NEGR1: variants seen among roughly 807,000 people sequenced by gnomAD.
The protein encoded by NEGR1 is neuronal growth regulator 1.
Under a neutral mutation model 40.9 loss-of-function variants are expected in NEGR1, and 10 were observed. The observed-to-expected ratio is 0.24, with a 90% CI of 0.15 to 0.42. The LOEUF (loss-of-function observed/expected upper bound fraction) is 0.42, where lower values mean the gene tolerates loss of function less well. Among genes scored for constraint, NEGR1 ranks in the 10% least tolerant of loss-of-function variants. The pLI is 1.00. For missense variants in NEGR1, 352 were observed against 438.9 expected (o/e 0.80, Z 1.77); for synonymous variants, 185 against 166.8 (o/e 1.11, Z -0.84).
chr1:71,420,113 G>T (rs1299015883), intron 6 of NEGR1, among the ~76,000 whole-genome samples: 4 of 151,978 alleles, frequency 2.6e-5, no homozygotes, highest in Non-Finnish European at 4.4e-5. Flanking sequence ...AATAAAAATA[G>T]CATTCCCTGC....
intron 4 of NEGR1, among the ~76,000 whole-genome samples, chr1:71,692,013 C>T (rs878905543): frequency 6.6e-6 from 1 of 151,572 alleles, no homozygotes; most frequent in Non-Finnish European, 1.5e-5. Context: ...CAGCACCTTA[C>T]GATTGGTTTA....
intron 1 of NEGR1, among the ~76,000 whole-genome samples, chr1:72,106,785 T>C (rs1649149554): frequency 6.6e-6 from 1 of 151,942 alleles, no homozygotes; most frequent in African/African-American, 2.4e-5. Context: ...TGGATAAATC[T>C]TTTAGACACA....
At chr1:71,463,078 T>C (rs1336654909) in intron 6 of NEGR1, among the ~76,000 whole-genome samples, 1 of 152,106 alleles carries the variant, frequency 6.6e-6, no homozygotes, top group African/African-American at 2.4e-5. Context: ...CTGGGGTAGT[T>C]TGGGTTGGTT....
intron 2 of NEGR1, among the ~76,000 whole-genome samples, chr1:71,818,384 A>G (rs1658305926): frequency 6.6e-6 from 1 of 152,022 alleles, no homozygotes; most frequent in Non-Finnish European, 1.5e-5. Context: ...ATGTCTTTGC[A>G]ACAGCAACAA....
intron 1 of NEGR1, among the ~76,000 whole-genome samples, chr1:72,051,658 A>C (rs559201886): frequency 6.6e-6 from 1 of 151,570 alleles, no homozygotes; most frequent in South Asian, 2.1e-4. Flanking sequence ...AAATTTGTCC[A>C]CAGACGGAGC....
chr1:71,673,836 T>G (rs1490720909), intron 4 of NEGR1, among the ~76,000 whole-genome samples: 1 of 152,128 alleles, frequency 6.6e-6, no homozygotes, highest in East Asian at 1.9e-4. Flanking sequence ...TTGTCAAGCT[T>G]CTACTATGCT....
intron 1 of NEGR1, among the ~76,000 whole-genome samples, chr1:72,101,432 T>TA (rs764823833): frequency 5.2e-4 from 79 of 152,148 alleles, no homozygotes; most frequent in Non-Finnish European, 5.9e-4. Flanking sequence ...ATGTGGAATG[T>TA]AAAAACTGTG....
chr1:71,651,209 G>C (rs1351695329), intron 4 of NEGR1, among the ~76,000 whole-genome samples: 2 of 152,052 alleles, frequency 1.3e-5, no homozygotes. Context: ...CCTATATATG[G>C]GGGATTATGC....
intron 1 of NEGR1, among the ~76,000 whole-genome samples, chr1:72,003,430 A>G (rs1646575230): frequency 6.6e-6 from 1 of 152,130 alleles, no homozygotes; most frequent in African/African-American, 2.4e-5. Context: ...CAAGGAGAAA[A>G]TATTGGTGGA....
intron 4 of NEGR1, among the ~76,000 whole-genome samples, chr1:71,686,521 G>A (rs1266699577): frequency 6.6e-5 from 10 of 152,132 alleles, no homozygotes; most frequent in African/African-American, 2.2e-4. Flanking sequence ...AAGCATAGCA[G>A]AGCATGCGTG....
chr1:72,199,466 G>T (rs1433669108), intron 1 of NEGR1, among the ~76,000 whole-genome samples: 1 of 151,960 alleles, frequency 6.6e-6, no homozygotes, highest in East Asian at 1.9e-4. Context: ...TAGTTACAGG[G>T]ACTGTGCAAT....
At chr1:71,856,104 A>ATT (rs986919745) in intron 2 of NEGR1, among the ~76,000 whole-genome samples, 3 of 152,030 alleles carry the variant, frequency 2.0e-5, no homozygotes, top group Non-Finnish European at 1.5e-5. Flanking sequence ...GTAGATATTT[A>ATT]TTAAGGGTCT....
At chr1:71,609,034 A>G (rs1373750046) in intron 5 of NEGR1, among the ~76,000 whole-genome samples, 2 of 152,188 alleles carry the variant, frequency 1.3e-5, no homozygotes, top group African/African-American at 4.8e-5. Context: ...GAGAGTGACC[A>G]CAGACCAGTT....
intron 1 of NEGR1, among the ~76,000 whole-genome samples, chr1:72,224,873 G>C (rs1654124668): frequency 6.6e-6 from 1 of 152,038 alleles, no homozygotes; most frequent in African/African-American, 2.4e-5. Flanking sequence ...ATTATGCAAA[G>C]ATACGCATAA....
chr1:72,215,929 GT>G (rs1357739995), intron 1 of NEGR1, among the ~76,000 whole-genome samples: 1 of 151,824 alleles, frequency 6.6e-6, no homozygotes. Context: ...TTGCAGCACT[GT>G]TGACAATAGC....
intron 3 of NEGR1, among the ~76,000 whole-genome samples, chr1:71,768,197 A>G (rs1231224118): frequency 6.6e-6 from 1 of 152,136 alleles, no homozygotes; most frequent in Admixed American, 6.5e-5. Flanking sequence ...TGGTAGATCC[A>G]CTGACAGCTT....
At chr1:72,243,521 G>A (rs1654814246) in intron 1 of NEGR1, among the ~76,000 whole-genome samples, 1 of 151,746 alleles carries the variant, frequency 6.6e-6, no homozygotes, top group African/African-American at 2.4e-5. Context: ...TGATTTATAT[G>A]TCTGTTTTTA....
At chr1:71,748,387 A>T (rs907248190) in intron 3 of NEGR1, among the ~76,000 whole-genome samples, 38 of 152,310 alleles carry the variant, frequency 2.5e-4, no homozygotes, top group Middle Eastern at 6.8e-3. Flanking sequence ...GTCTGCATGA[A>T]TTCACTGAGT....
At chr1:72,129,768 G>A (rs1424887538) in intron 1 of NEGR1, among the ~76,000 whole-genome samples, 12 of 152,180 alleles carry the variant, frequency 7.9e-5, no homozygotes, top group Admixed American at 7.2e-4. Context: ...AAGTTGCTCA[G>A]AAGAAATAGC....
Sources: allele counts gnomAD v4.1 joint callset (sites outside exome capture counted in the v4.1 genomes callset), GRCh38; gene constraint gnomAD v4.1.1; transcripts MANE v1.5; gene names NCBI Gene and HGNC (gene_info 2026-07-23, HGNC 2026-07-21).